IFI16: variants seen among roughly 807,000 people sequenced by gnomAD.
The protein encoded by IFI16 is interferon gamma inducible protein 16.
Under a neutral mutation model 68.4 loss-of-function variants are expected in IFI16, and 49 were observed. That is an observed-to-expected ratio of 0.72 (90% CI 0.57 to 0.91). The LOEUF (loss-of-function observed/expected upper bound fraction) is 0.91, where lower values mean the gene tolerates loss of function less well. IFI16 is among the 40% of genes least tolerant of loss of function. The probability of loss-of-function intolerance (pLI) is 0.00; values close to 1 mark genes in which losing one functional copy is unlikely to be tolerated. For synonymous variants in IFI16, 307 were observed against 315.0 expected (o/e 0.97, Z 0.27); for missense variants, 878 against 942.9 (o/e 0.93, Z 0.90).
At chr1:159,051,493 A>T (rs1655354116) in intron 9 of IFI16, among the ~76,000 whole-genome samples, 186 bp from the exon 10 acceptor site, 1 of 152,188 alleles carries the variant, frequency 6.6e-6, no homozygotes, top group Admixed American at 6.5e-5. Flanking sequence ...ATTACTCCTT[A>T]CATCTTTTTC....
intron 7 of IFI16, among the ~76,000 whole-genome samples, chr1:159,042,223 A>C (rs1038269572): frequency 8.5e-5 from 13 of 152,196 alleles, no homozygotes; most frequent in African/African-American, 3.1e-4. Context: ...TCTCTCACAA[A>C]TTTTGTGTGT....
chr1:159,007,180 G>C (rs561702057), upstream of IFI16, among the ~76,000 whole-genome samples: 67 of 152,188 alleles, frequency 4.4e-4, no homozygotes, highest in Non-Finnish European at 8.7e-4. Flanking sequence ...ATTCATGTGA[G>C]AGTTGGAGAG....
rs954256820 is a variant in IFI16, at chr1:159,020,612, T to A, written c.1161+83T>A. On this transcript the variant is annotated intron_variant, in intron 6 of 11. Coordinates refer to ENST00000295809, the MANE Select transcript of IFI16 (RefSeq NM_001376587.1). Reference sequence around the variant, plus strand: ...TTTGGCAAAAACAAGTTTGTAGGTTTTTTTTACAGAGTTCAGCGGGAGGCA... The same window carrying A: ...TTTGGCAAAAACAAGTTTGTAGGTTATTTTTACAGAGTTCAGCGGGAGGCA... The A allele has an allele frequency of 6.2e-6, 6 of 971,386 alleles. No homozygotes were observed. In the African/African-American group the frequency reaches 1.0e-4, roughly 16 times the overall value. The allele number at this position is 971,386 out of a possible 1,614,324, so 60.2% of individuals were successfully genotyped here. A position where few individuals can be genotyped will look rare whatever the true frequency, so the allele number is the denominator to read the frequency against.
At chr1:159,054,305 G>A (rs1655549698) in intron 11 of IFI16, among the ~76,000 whole-genome samples, 1 of 152,166 alleles carries the variant, frequency 6.6e-6, no homozygotes, top group African/African-American at 2.4e-5. Flanking sequence ...ACATTCATGT[G>A]GGATTCTTGG....
At position 159,054,725 on chromosome 1, in the gene IFI16, T is replaced by G. The variant is rs1322894139; in HGVS notation, c.2278-96T>G. On this transcript the variant is annotated intron_variant, in intron 11 of 11. Transcript: ENST00000295809. ...ATTTAGAAAGGAATAGGGGAAGAGA[T>G]ATGGTGCAGGGGGAGGAGATACAGT... 14 of 616,270 alleles carry G rather than the reference T, an allele frequency of 2.3e-5. No individual in the cohort carries two copies. In the East Asian group the frequency reaches 2.5e-4, roughly 11 times the overall value. 38.2% of individuals were successfully genotyped at this position (616,270 alleles called of 1,614,324 possible). A position where few individuals can be genotyped will look rare whatever the true frequency, so the allele number is the denominator to read the frequency against.
chr1:159,053,444 CA>C (rs1200615597), intron 10 of IFI16, 88 bp from the exon 11 acceptor site: 2 of 925,510 alleles, frequency 2.2e-6, no homozygotes, highest in East Asian at 5.0e-5. Context: ...CTATCAAAGA[CA>C]AAAGTTTCCA....
chr1:159,040,485 A>AGTATGTAGTG (rs1429418927), intron 7 of IFI16, among the ~76,000 whole-genome samples: 1 of 152,242 alleles, frequency 6.6e-6, no homozygotes, highest in Non-Finnish European at 1.5e-5. Context: ...CATGCTACGA[A>AGTATGTAGTG]GTATGTAGTT....
At chr1:159,014,249 C>T (rs1054277973) in intron 1 of IFI16, among the ~76,000 whole-genome samples, 4 of 152,104 alleles carry the variant, frequency 2.6e-5, no homozygotes, top group Admixed American at 2.6e-4. Flanking sequence ...GGCTGCAGCC[C>T]ATTTACACCT....
chr1:159,040,413 CAG>C (rs780494589), intron 7 of IFI16, among the ~76,000 whole-genome samples: 6 of 152,168 alleles, frequency 3.9e-5, no homozygotes, highest in Non-Finnish European at 7.3e-5. Context: ...AGGATGAGTT[CAG>C]AGAGAAGCAT....
At chr1:159,003,270 T>G (rs1652125445), upstream of IFI16, among the ~76,000 whole-genome samples, 1 of 152,244 alleles carries the variant, frequency 6.6e-6, no homozygotes, top group African/African-American at 2.4e-5. Flanking sequence ...ATGGTTTATT[T>G]TAATGTTTCT....
chr1:159,008,436 A>C (rs547536405), upstream of IFI16, among the ~76,000 whole-genome samples: 7 of 152,194 alleles, frequency 4.6e-5, no homozygotes, highest in Admixed American at 2.0e-4. Flanking sequence ...TCTTTGTGGT[A>C]TGAATTATGG....
chr1:159,019,774 A>T (rs1653184461), intron 5 of IFI16, among the ~76,000 whole-genome samples: 1 of 152,184 alleles, frequency 6.6e-6, no homozygotes, highest in Non-Finnish European at 1.5e-5. Flanking sequence ...ACACACTCTT[A>T]AAGAGATGAT....
At chr1:159,022,740 A>AT (rs1412412151) in intron 6 of IFI16, among the ~76,000 whole-genome samples, 4 of 152,330 alleles carry the variant, frequency 2.6e-5, no homozygotes, top group African/African-American at 9.6e-5. Context: ...AAGTATATTG[A>AT]TTTTTTATTA....
intron 8 of IFI16, among the ~76,000 whole-genome samples, chr1:159,048,525 GT>G (rs1450377588): frequency 6.6e-6 from 1 of 151,420 alleles, no homozygotes; most frequent in Non-Finnish European, 1.5e-5. Flanking sequence ...AAAATACAGT[GT>G]TTTGTTTGGG....
chr1:159,039,234 C>G (rs1654483857), intron 7 of IFI16, among the ~76,000 whole-genome samples: 1 of 152,116 alleles, frequency 6.6e-6, no homozygotes, highest in African/African-American at 2.4e-5. Flanking sequence ...GTTAGGATAT[C>G]TAAATTGACA....
In IFI16 at chr1:159,014,903, C is replaced by T; in HGVS notation, c.223C>T (p.Leu75Phe). ...AAAAATTTTCGAAGATATACCAACG[C>T]TTGAAGACCTGGCTGAAACTCTTAA... is the stretch of plus-strand genomic sequence containing the variant. ...LIKIFEDIPTLEDLAETLKKE... is the reference protein window; with the variant it reads ...LIKIFEDIPTFEDLAETLKKE... The change falls in exon 2 of 12, where the codon CTT becomes TTT. Residue 75 changes from leucine (L) to phenylalanine (F), a missense_variant. Physicochemically the swap from Leu to Phe is conservative, Grantham distance 22 (BLOSUM62 0). Coordinates refer to ENST00000295809, the MANE Select transcript of IFI16 (RefSeq NM_001376587.1). 1 of 1,611,936 alleles carries T rather than the reference C, an allele frequency of 6.2e-7. No homozygotes were observed. Among genetic ancestry groups the T allele is most frequent in the South Asian group, 1.1e-5 (1 of 90,538 alleles).
intron 1 of IFI16, among the ~76,000 whole-genome samples, chr1:159,010,590 A>T (rs1652487714): frequency 6.6e-6 from 1 of 152,236 alleles, no homozygotes; most frequent in South Asian, 2.1e-4. Context: ...ATAGAGATGT[A>T]TTATATGACA....
At chr1:159,000,623 A>T (rs1384542635) in intron 1 of IFI16, among the ~76,000 whole-genome samples, 1 of 152,196 alleles carries the variant, frequency 6.6e-6, no homozygotes, top group Non-Finnish European at 1.5e-5. Context: ...AACACAATGC[A>T]CATATTTCAC....
intron 10 of IFI16, 195 bp downstream of exon 10, chr1:159,052,293 T>C (rs1330637849): frequency 3.5e-6 from 2 of 571,940 alleles, no homozygotes; most frequent in Admixed American, 3.1e-5. Context: ...TTCCTCTTCT[T>C]AAGGTATCAT....
Sources: gnomAD v4.1 joint callset for allele counts (sites outside exome capture counted in the v4.1 genomes callset) on GRCh38, gnomAD v4.1.1 for gene constraint, MANE v1.5 for transcripts, NCBI Gene and HGNC (gene_info 2026-07-23, HGNC 2026-07-21) for gene names.